The following CADM2 variants were observed in gnomAD, a reference collection of about 807,000 sequenced individuals.
CADM2 encodes the protein cell adhesion molecule 2.
CADM2 carries 12 observed loss-of-function variants against 49.8 expected under a neutral mutation model. The ratio of observed to expected loss-of-function variants is 0.24; its 90% CI spans 0.15 to 0.39. The LOEUF (loss-of-function observed/expected upper bound fraction) is 0.39, where lower values mean the gene tolerates loss of function less well. Among genes scored for constraint, CADM2 ranks in the 10% least tolerant of loss-of-function variants. The pLI is 1.00. For synonymous variants in CADM2, 214 were observed against 175.4 expected, an observed-to-expected ratio of 1.22 and a Z score of -1.74; for missense variants, 378 against 492.3, an observed-to-expected ratio of 0.77 and a Z score of 2.20.
At chr3:85,325,584 C>T (rs778509061) in intron 1 of CADM2, among the ~76,000 whole-genome samples, 4 of 150,568 alleles carry the variant, frequency 2.7e-5, no homozygotes, top group Non-Finnish European at 5.9e-5. Flanking sequence ...CAGCTACTGG[C>T]GAGGCTGAGG....
At chr3:85,463,780 G>A (rs1449518141) in intron 1 of CADM2, among the ~76,000 whole-genome samples, 2 of 151,990 alleles carry the variant, frequency 1.3e-5, no homozygotes, top group South Asian at 4.2e-4. Flanking sequence ...ATATTGTTTC[G>A]CTCATTTTCT....
intron 3 of CADM2, among the ~76,000 whole-genome samples, chr3:85,852,986 A>AGT (rs879465815): frequency 7.2e-5 from 11 of 152,088 alleles, no homozygotes; most frequent in Non-Finnish European, 1.0e-4. Context: ...ATGTATGTTT[A>AGT]AATATTTACT....
intron 1 of CADM2, among the ~76,000 whole-genome samples, chr3:85,211,029 AATTT>A (rs2041765061): frequency 6.6e-6 from 1 of 152,022 alleles, no homozygotes; most frequent in Non-Finnish European, 1.5e-5. Flanking sequence ...CTTGTGTAGG[AATTT>A]ATTTATTCAT....
At chr3:85,620,736 A>G (rs192547430) in intron 1 of CADM2, among the ~76,000 whole-genome samples, 161 of 152,268 alleles carry the variant, frequency 1.1e-3, no homozygotes, top group African/African-American at 3.7e-3. Context: ...TGTGACACAA[A>G]GCAATAGTCC....
At chr3:85,886,101 C>A in intron 4 of CADM2, 89 bp from the exon 5 acceptor site, 1 of 1,543,728 alleles carries the variant, frequency 6.5e-7, no homozygotes, top group Admixed American at 1.9e-5. Context: ...ATTAACCATC[C>A]AGTTCAGTTT....
chr3:85,611,220 T>C (rs1314507201), intron 1 of CADM2, among the ~76,000 whole-genome samples: 1 of 150,490 alleles, frequency 6.6e-6, no homozygotes, highest in African/African-American at 2.4e-5. Flanking sequence ...TATTAAAGTG[T>C]TTAATCATTA....
intron 1 of CADM2, among the ~76,000 whole-genome samples, chr3:85,612,579 TA>T (rs1441379733): frequency 2.0e-5 from 3 of 151,834 alleles, no homozygotes; most frequent in Non-Finnish European, 4.4e-5. Context: ...ATATATTAGT[TA>T]AGTATGTTAG....
intron 1 of CADM2, among the ~76,000 whole-genome samples, chr3:85,009,855 G>A (rs2033903541): frequency 6.9e-6 from 1 of 145,756 alleles, no homozygotes; most frequent in Non-Finnish European, 1.5e-5. Flanking sequence ...AACAGAGCAA[G>A]ATTCTATCTC....
intron 1 of CADM2, among the ~76,000 whole-genome samples, chr3:85,325,688 CA>C (rs35096319): frequency 0.16 from 14,643 of 92,620 alleles, 961 homozygotes; most frequent in East Asian, 0.27. Flanking sequence ...AAGACTCCAT[CA>C]AAAAAAAAAA....
intron 1 of CADM2, among the ~76,000 whole-genome samples, chr3:85,695,308 G>C (rs1330550446): frequency 6.6e-6 from 1 of 151,986 alleles, no homozygotes; most frequent in Non-Finnish European, 1.5e-5. Context: ...GTACCCAATA[G>C]GTGATTTTCT....
chr3:85,289,578 T>C (rs1192209607), intron 1 of CADM2, among the ~76,000 whole-genome samples: 2 of 152,192 alleles, frequency 1.3e-5, no homozygotes, highest in Admixed American at 6.5e-5. Flanking sequence ...ATAGTCTAAA[T>C]TGATTTGTTA....
At chr3:85,920,635 A>T (rs1011706890) in intron 6 of CADM2, among the ~76,000 whole-genome samples, 3 of 151,724 alleles carry the variant, frequency 2.0e-5, no homozygotes, top group Non-Finnish European at 4.4e-5. Context: ...CATTTTGCTC[A>T]TGAGACAAAT....
At chr3:86,002,036 G>C (rs1730249049) in intron 8 of CADM2, among the ~76,000 whole-genome samples, 1 of 152,036 alleles carries the variant, frequency 6.6e-6, no homozygotes, top group South Asian at 2.1e-4. Flanking sequence ...GACAGCATGA[G>C]CCACCAAGGA....
At chr3:85,749,386 G>A (rs960403607) in intron 2 of CADM2, among the ~76,000 whole-genome samples, 6 of 151,770 alleles carry the variant, frequency 4.0e-5, no homozygotes, top group Admixed American at 3.3e-4. Flanking sequence ...AATAATTAGC[G>A]TGATAATTAT....
At chr3:85,495,638 C>T (rs905544990) in intron 1 of CADM2, among the ~76,000 whole-genome samples, 9 of 152,028 alleles carry the variant, frequency 5.9e-5, no homozygotes, top group Admixed American at 5.9e-4. Context: ...GGTTCTGGTT[C>T]TGCAGGTTGT....
chr3:85,668,165 G>T (rs1022104584), intron 1 of CADM2, among the ~76,000 whole-genome samples: 1 of 151,394 alleles, frequency 6.6e-6, no homozygotes, highest in African/African-American at 2.4e-5. Flanking sequence ...TGGTGGAGAT[G>T]GCCCTTTCCT....
intron 1 of CADM2, among the ~76,000 whole-genome samples, chr3:85,169,731 A>G (rs1315275960): frequency 6.6e-6 from 1 of 152,164 alleles, no homozygotes; most frequent in Admixed American, 6.5e-5. Context: ...AGGTGGAGCC[A>G]CTACACTCCA....
chr3:85,648,954 G>T (rs1000054424), intron 1 of CADM2, among the ~76,000 whole-genome samples: 6 of 151,912 alleles, frequency 3.9e-5, no homozygotes, highest in South Asian at 2.1e-4. Context: ...TAAAAAGAAA[G>T]AAATAAGCTA....
At chr3:85,832,895 G>C (rs1244790303) in intron 3 of CADM2, among the ~76,000 whole-genome samples, 1 of 151,904 alleles carries the variant, frequency 6.6e-6, no homozygotes, top group African/African-American at 2.4e-5. Flanking sequence ...CTCTTCAGAT[G>C]AATGCTTCCA....
Sources: gnomAD v4.1 joint callset for allele counts (sites outside exome capture counted in the v4.1 genomes callset) on GRCh38, gnomAD v4.1.1 for gene constraint, MANE v1.5 for transcripts, NCBI Gene and HGNC (gene_info 2026-07-23, HGNC 2026-07-21) for gene names.